The following CCDC66 variants were observed in gnomAD, a reference collection of about 807,000 sequenced individuals.
CCDC66 encodes coiled-coil domain containing 66.
Under a neutral mutation model 128.3 loss-of-function variants are expected in CCDC66, and 133 were observed. That is an observed-to-expected ratio of 1.04 (90% CI 0.90 to 1.20). The LOEUF (loss-of-function observed/expected upper bound fraction) is 1.20. Among genes scored for constraint, CCDC66 ranks in the 50% most tolerant of loss-of-function variants. The pLI, the probability that CCDC66 is intolerant of heterozygous loss-of-function variation, is 0.00. For synonymous variants in CCDC66, 387 were observed against 357.0 expected (o/e 1.08, Z -0.95); for missense variants, 1,126 against 1,075.5 (o/e 1.05, Z -0.66).
In CCDC66 at chr3:56,566,504, T is replaced by G; in HGVS notation, c.545-90T>G. The G allele has an allele frequency of 6.4e-6, 5 of 785,728 alleles. No homozygotes were observed. The South Asian group carries it at 1.1e-4, about 17-fold the overall frequency. The allele number at this position is 785,728 out of a possible 1,614,324, so 48.7% of individuals were successfully genotyped here. A position where few individuals can be genotyped will look rare whatever the true frequency, so the allele number is the denominator to read the frequency against. On this transcript the variant is annotated intron_variant, in intron 4 of 17. Coordinates refer to ENST00000394672, the MANE Select transcript of CCDC66 (RefSeq NM_001141947.3). ...TTTGAGAGTTAATTTAAGTAACGTG[T>G]AAGACATGTAAGAACTGTATAGCAC...
chr3:56,568,037 A>G (rs2066123156), intron 6 of CCDC66, among the ~76,000 whole-genome samples: 1 of 152,184 alleles, frequency 6.6e-6, no homozygotes, highest in African/African-American at 2.4e-5. Context: ...AGTAGCCTTC[A>G]GAGAACAGAT....
At chr3:56,621,000 AAGTTAGTT>A (rs112632967) in intron 17 of CCDC66, 1 of 150,396 alleles carries the variant, frequency 6.6e-6, no homozygotes, top group Admixed American at 6.6e-5. Context: ...AAAATACAAA[AAGTTAGTT>A]AGTTAGTTAG....
Position 56,615,187 on chromosome 3 carries a change from G to C in CCDC66, c.1626G>C (p.Leu542=), listed in dbSNP as rs1182474564. Residue 542 remains leucine (L), a synonymous_variant, in exon 12 of 18, where the codon CTG becomes CTC. Coordinates refer to ENST00000394672, the MANE Select transcript of CCDC66 (RefSeq NM_001141947.3). ...LFQTMQRAQE[L]AQRLKQEQRI... ...AGACAATGCAGCGAGCACAGGAACT[G>C]GCACAGAGACTAAAACAAGAACAAA... 1 of 1,613,864 alleles carries C rather than the reference G, an allele frequency of 6.2e-7. No individual in the cohort carries two copies. Among genetic ancestry groups the C allele is most frequent in the Non-Finnish European group, 8.5e-7 (1 of 1,179,956 alleles).
rs542474422 is a variant in CCDC66, at chr3:56,560,595, C to T, written c.102+1001C>T. 5.2e-3 allele frequency among the ~76,000 whole-genome samples: 793 copies of T among 152,172 alleles called. 9 individuals are homozygous for T. Among genetic ancestry groups the T allele is most frequent in the Non-Finnish European group, 5.1e-3 (349 of 67,998 alleles). On this transcript the variant is annotated intron_variant, in intron 3 of 17. Transcript: ENST00000394672. ...AAAATACAAAAATTAGATGTGGTGG[C>T]GCTAGTCCCAGCTACTTAGGAGGCT...
chr3:56,586,128 GTT>G (rs1302122194), intron 7 of CCDC66, among the ~76,000 whole-genome samples: 1 of 151,974 alleles, frequency 6.6e-6, no homozygotes, highest in Non-Finnish European at 1.5e-5. Flanking sequence ...TTATGCATTT[GTT>G]TTGTTAGAAT....
At chr3:56,613,974 TCTCA>T (rs2075179504) in intron 11 of CCDC66, among the ~76,000 whole-genome samples, 1 of 152,264 alleles carries the variant, frequency 6.6e-6, no homozygotes, top group East Asian at 1.9e-4. Context: ...GGAGACAGGG[TCTCA>T]CTATGTTCAA....
chr3:56,604,328 G>C (rs1430182184), intron 10 of CCDC66, among the ~76,000 whole-genome samples: 1 of 151,946 alleles, frequency 6.6e-6, no homozygotes, highest in Non-Finnish European at 1.5e-5. Context: ...TATGATGCTA[G>C]CTGGTTATTT....
intron 17 of CCDC66, chr3:56,620,113 C>T (rs2291501): frequency 0.31 from 107,217 of 345,940 alleles, 17,619 homozygotes; most frequent in East Asian, 0.47. Context: ...CTTTCCAGTA[C>T]GAAATCATCA....
At chr3:56,591,396 A>G (rs2070866485) in intron 7 of CCDC66, among the ~76,000 whole-genome samples, 1 of 152,202 alleles carries the variant, frequency 6.6e-6, no homozygotes, top group Non-Finnish European at 1.5e-5. Context: ...ACAAATATAC[A>G]GCATCCACTC....
chr3:56,598,365 C>CTATTTTATT (rs746271813), intron 10 of CCDC66, among the ~76,000 whole-genome samples: 1 of 151,374 alleles, frequency 6.6e-6, no homozygotes, highest in Non-Finnish European at 1.5e-5. Context: ...TATTTATTTT[C>CTATTTTATT]TATTTTATTT....
intron 7 of CCDC66, among the ~76,000 whole-genome samples, chr3:56,574,651 G>A (rs1176252272): frequency 2.0e-5 from 3 of 151,838 alleles, no homozygotes; most frequent in African/African-American, 7.2e-5. Flanking sequence ...GCTTAGAATA[G>A]TGACTGACAA....
intron 3 of CCDC66, chr3:56,560,755 A>G (rs559686092): frequency 8.7e-5 from 34 of 389,708 alleles, no homozygotes; most frequent in East Asian, 5.1e-4. Flanking sequence ...CTGTTTTGAT[A>G]CTTCTACTCT....
chr3:56,600,382 C>T (rs2072948155), intron 10 of CCDC66, among the ~76,000 whole-genome samples: 1 of 151,854 alleles, frequency 6.6e-6, no homozygotes, highest in African/African-American at 2.4e-5. Flanking sequence ...CTCCTGACCC[C>T]ATGATCGGGC....
Position 56,581,068 on chromosome 3 carries a change from C to G in CCDC66, c.936+9766C>G, listed in dbSNP as rs1307101801. 1.3e-5 allele frequency among the ~76,000 whole-genome samples: 2 copies of G among 151,852 alleles called. 1 individual carries two copies. The highest frequency in any genetic ancestry group is 3.9e-4 in the East Asian group (2 of 5,074). Reference sequence around the variant, plus strand: ...ACACGAGATGTAGATTTGGTCTTTTCACATAGTCCCATATTTCTTGGAGGC... The same window carrying G: ...ACACGAGATGTAGATTTGGTCTTTTGACATAGTCCCATATTTCTTGGAGGC... On this transcript the variant is annotated intron_variant, in intron 7 of 17. Coordinates refer to ENST00000394672, the MANE Select transcript of CCDC66 (RefSeq NM_001141947.3).
chr3:56,602,988 T>C (rs2073453749), intron 10 of CCDC66, among the ~76,000 whole-genome samples: 1 of 151,314 alleles, frequency 6.6e-6, no homozygotes, highest in African/African-American at 2.4e-5. Context: ...GCGCCCACCA[T>C]CACACCCAGC....
intron 10 of CCDC66, among the ~76,000 whole-genome samples, chr3:56,612,489 A>G (rs893960916): frequency 2.6e-5 from 4 of 152,108 alleles, no homozygotes; most frequent in Non-Finnish European, 4.4e-5. Context: ...AGCCAGGCCA[A>G]TTATTGGGCT....
intron 17 of CCDC66, 88 bp from the exon 18 acceptor site, chr3:56,621,444 T>C: frequency 2.2e-6 from 2 of 922,338 alleles, no homozygotes; most frequent in Admixed American, 2.7e-5. Flanking sequence ...GCGATATGTT[T>C]TCCAAGTGAA....
chr3:56,558,780 A>T (rs1462713124), intron 1 of CCDC66, 66 bp from the exon 2 acceptor site: 3 of 1,068,418 alleles, frequency 2.8e-6, no homozygotes, highest in Admixed American at 4.0e-5. Flanking sequence ...TCAAATGAAC[A>T]TTTCTGGTTA....
At chr3:56,562,281 C>T (rs1313417923) in intron 3 of CCDC66, among the ~76,000 whole-genome samples, 2 of 152,018 alleles carry the variant, frequency 1.3e-5, no homozygotes, top group African/African-American at 2.4e-5. Context: ...AACTCCTGGG[C>T]TCAAGCGATC....
Sources: allele counts gnomAD v4.1 joint callset (sites outside exome capture counted in the v4.1 genomes callset), GRCh38; gene constraint gnomAD v4.1.1; transcripts MANE v1.5; gene names NCBI Gene and HGNC (gene_info 2026-07-23, HGNC 2026-07-21).